The following LIMA1 variants were observed in gnomAD, a reference collection of about 807,000 sequenced individuals.
The protein encoded by LIMA1 is LIM domain and actin-binding protein 1.
Under a neutral mutation model 62.6 loss-of-function variants are expected in LIMA1, and 52 were observed. That is an observed-to-expected ratio of 0.83 (90% CI 0.67 to 1.05). The LOEUF (loss-of-function observed/expected upper bound fraction) is 1.05, where lower values mean the gene tolerates loss of function less well. LIMA1 is among the 50% of genes least tolerant of loss of function. LIMA1 has a pLI of 0.00. For synonymous variants in LIMA1, 302 were observed against 317.8 expected, an observed-to-expected ratio of 0.95 and a Z score of 0.53; for missense variants, 780 against 902.2, an observed-to-expected ratio of 0.86 and a Z score of 1.74.
At chr12:50,267,868 C>T (rs1942158290) in intron 1 of LIMA1, among the ~76,000 whole-genome samples, 1 of 152,090 alleles carries the variant, frequency 6.6e-6, no homozygotes. Flanking sequence ...GTTGCCCAGG[C>T]TGGCCTCAAA....
chr12:50,222,812 G>A, intron 3 of LIMA1: 3 of 674,190 alleles, frequency 4.4e-6, no homozygotes, highest in South Asian at 3.3e-5. Flanking sequence ...AGATTAATGG[G>A]GAAAAAAACA....
At chr12:50,278,002 C>T (rs1270477526) in intron 1 of LIMA1, among the ~76,000 whole-genome samples, 2 of 152,264 alleles carry the variant, frequency 1.3e-5, no homozygotes, top group East Asian at 3.9e-4. Context: ...TCGGGCCGGG[C>T]GCGGTGGCTC....
intron 1 of LIMA1, among the ~76,000 whole-genome samples, chr12:50,265,864 G>T (rs1237474267): frequency 1.3e-5 from 2 of 151,886 alleles, no homozygotes; most frequent in East Asian, 1.9e-4. Flanking sequence ...CAGTAGCCAT[G>T]GTGGAATCCA....
intron 1 of LIMA1, among the ~76,000 whole-genome samples, chr12:50,271,046 C>T (rs1256526869): frequency 6.6e-6 from 1 of 152,042 alleles, no homozygotes; most frequent in Non-Finnish European, 1.5e-5. Flanking sequence ...GAGCCGAGAT[C>T]GTGCCACTGC....
At chr12:50,279,440 T>A (rs766490250) in intron 1 of LIMA1, among the ~76,000 whole-genome samples, 9 of 151,970 alleles carry the variant, frequency 5.9e-5, no homozygotes, top group Non-Finnish European at 1.3e-4. Context: ...GAAAGAAGTT[T>A]TTTAAAAAGA....
chr12:50,222,713 A>C, intron 3 of LIMA1: 1 of 1,444,128 alleles, frequency 6.9e-7, no homozygotes. Context: ...GAAGTGATAA[A>C]ACAGGATGGC....
intron 4 of LIMA1, among the ~76,000 whole-genome samples, chr12:50,212,612 A>G (rs1261775974): frequency 6.6e-6 from 1 of 152,182 alleles, no homozygotes; most frequent in Admixed American, 6.6e-5. Context: ...AAAAGAAAAA[A>G]AAAAGAAAGG....
intron 2 of LIMA1, among the ~76,000 whole-genome samples, chr12:50,241,680 C>A (rs989355417): frequency 1.3e-5 from 2 of 152,104 alleles, no homozygotes; most frequent in African/African-American, 4.8e-5. Flanking sequence ...CCACCTCTTT[C>A]TTCCAAGTTA....
chr12:50,186,526 T>C (rs565425722), intron 9 of LIMA1: 1 of 152,818 alleles, frequency 6.5e-6, no homozygotes, highest in South Asian at 2.1e-4. Flanking sequence ...GCATAGATTA[T>C]CCCTCATAAA....
intron 1 of LIMA1, among the ~76,000 whole-genome samples, chr12:50,263,979 A>C (rs1942109921): frequency 6.6e-6 from 1 of 151,190 alleles, no homozygotes; most frequent in African/African-American, 2.4e-5. Flanking sequence ...TCGTCAACTG[A>C]TGAAAGGATG....
intron 2 of LIMA1, among the ~76,000 whole-genome samples, chr12:50,238,366 G>T (rs1322380727): frequency 6.6e-6 from 1 of 152,042 alleles, no homozygotes; most frequent in Non-Finnish European, 1.5e-5. Context: ...AATTAGCCAG[G>T]TGTGGTGGTG....
chr12:50,190,089 C>T (rs10450773), intron 9 of LIMA1: 42,331 of 141,156 alleles, frequency 0.3, 7,009 homozygotes, highest in East Asian at 0.72. Flanking sequence ...GTGATCTTGG[C>T]TCACTGCAAC....
chr12:50,226,445 T>A (rs1467974737), intron 3 of LIMA1, among the ~76,000 whole-genome samples: 3 of 152,122 alleles, frequency 2.0e-5, no homozygotes, highest in Non-Finnish European at 1.5e-5. Context: ...TACTGACCAC[T>A]CTCCCTGGTA....
chr12:50,192,640 T>C, intron 8 of LIMA1, 79 bp from the exon 9 acceptor site: 2 of 1,001,278 alleles, frequency 2.0e-6, no homozygotes, highest in Non-Finnish European at 3.2e-6. Flanking sequence ...AAAGCAAAGT[T>C]TGGGCACTTT....
intron 4 of LIMA1, chr12:50,217,739 T>G (rs1025842233): frequency 3.1e-6 from 1 of 321,478 alleles, no homozygotes; most frequent in Non-Finnish European, 6.1e-6. Flanking sequence ...GTGGGCTTCA[T>G]GACCTTGATT....
At chr12:50,270,073 A>G (rs11169347) in intron 1 of LIMA1, among the ~76,000 whole-genome samples, 48,464 of 150,890 alleles carry the variant, frequency 0.32, 8,058 homozygotes, top group South Asian at 0.48. Context: ...CGTCTCTACT[A>G]AAAATACAAA....
At position 50,178,076 on chromosome 12, in the gene LIMA1, T is replaced by C; in HGVS notation, c.1275-7A>G. ...AGATGCATATGTTCCTAGACTGTCA[T>C]TAAAAGAAAAAAAGCATAAACTTAG... On this transcript the variant is annotated splice_polypyrimidine_tract_variant and splice_region_variant and intron_variant, in intron 10 of 10. Coordinates refer to ENST00000341247, the MANE Select transcript of LIMA1 (RefSeq NM_016357.5). 7 of 1,424,022 alleles carry C rather than the reference T, an allele frequency of 4.9e-6. No homozygotes were observed. The highest frequency in any genetic ancestry group is 6.4e-6 in the Non-Finnish European group (7 of 1,087,258). The allele number at this position is 1,424,022 out of a possible 1,614,324, so 88.2% of individuals were successfully genotyped here.
At chr12:50,194,934 G>C (rs1252354620) in intron 8 of LIMA1, among the ~76,000 whole-genome samples, 1 of 152,086 alleles carries the variant, frequency 6.6e-6, no homozygotes, top group Non-Finnish European at 1.5e-5. Context: ...TGTAATCCCA[G>C]CTACTCAGGA....
At chr12:50,184,854 CAG>C (rs1218634646) in intron 9 of LIMA1, among the ~76,000 whole-genome samples, 13 of 151,918 alleles carry the variant, frequency 8.6e-5, no homozygotes, top group African/African-American at 2.4e-5. Context: ...TTTTTTGAGA[CAG>C]AGTCTCACTC....
Sources: gnomAD v4.1 joint callset for allele counts (sites outside exome capture counted in the v4.1 genomes callset) on GRCh38, gnomAD v4.1.1 for gene constraint, MANE v1.5 for transcripts, NCBI Gene and HGNC (gene_info 2026-07-23, HGNC 2026-07-21) for gene names.